The following RSPO2 variants were observed in gnomAD, a reference collection of about 807,000 sequenced individuals.
The protein encoded by RSPO2 is R-spondin-2.
A neutral mutation model predicts 30.9 loss-of-function variants in RSPO2; 14 were observed. The observed-to-expected ratio is 0.45, with a 90% CI of 0.30 to 0.71. The LOEUF (loss-of-function observed/expected upper bound fraction) is 0.71, where lower values mean the gene tolerates loss of function less well. RSPO2 is among the 30% of genes least tolerant of loss of function. The probability of loss-of-function intolerance (pLI) is 0.08; values close to 1 mark genes in which losing one functional copy is unlikely to be tolerated. For synonymous variants in RSPO2, 107 were observed against 96.4 expected (o/e 1.11, Z -0.64); for missense variants, 264 against 301.9 (o/e 0.87, Z 0.93).
At chr8:108,026,413 T>G (rs1443047373) in intron 2 of RSPO2, among the ~76,000 whole-genome samples, 1 of 152,178 alleles carries the variant, frequency 6.6e-6, no homozygotes, top group African/African-American at 2.4e-5. Flanking sequence ...CAGTATTATA[T>G]CAGTGCTAGT....
intron 2 of RSPO2, among the ~76,000 whole-genome samples, chr8:108,057,931 T>C (rs1489612348): frequency 6.6e-6 from 1 of 152,168 alleles, no homozygotes; most frequent in Non-Finnish European, 1.5e-5. Context: ...ACAGGGACAA[T>C]TTGACTTCCT....
At chr8:107,927,328 C>A (rs1812412331) in intron 5 of RSPO2, among the ~76,000 whole-genome samples, 2 of 152,190 alleles carry the variant, frequency 1.3e-5, no homozygotes, top group East Asian at 3.9e-4. Context: ...GATATACAAT[C>A]ATGTCATCTG....
At chr8:107,978,917 AAC>A (rs1814318529) in intron 3 of RSPO2, among the ~76,000 whole-genome samples, 1 of 152,202 alleles carries the variant, frequency 6.6e-6, no homozygotes, top group African/African-American at 2.4e-5. Flanking sequence ...GCAGCCAAAA[AAC>A]ACATGAAAAA....
chr8:108,079,145 A>T (rs1324332956), intron 2 of RSPO2, among the ~76,000 whole-genome samples: 1 of 152,214 alleles, frequency 6.6e-6, no homozygotes, highest in Non-Finnish European at 1.5e-5. Context: ...ACTATTTTGA[A>T]GGGGGAGTCA....
At chr8:107,942,157 A>C (rs1053885899) in intron 5 of RSPO2, among the ~76,000 whole-genome samples, 1 of 152,166 alleles carries the variant, frequency 6.6e-6, no homozygotes, top group African/African-American at 2.4e-5. Flanking sequence ...AGGGTGGCTA[A>C]ACTGCCCATG....
chr8:107,939,478 CTTTTT>C (rs10558817), intron 5 of RSPO2, among the ~76,000 whole-genome samples: 52 of 140,482 alleles, frequency 3.7e-4, no homozygotes, highest in Admixed American at 1.1e-3. Context: ...ATTAAATTAT[CTTTTT>C]TTTTTTTTTT....
intron 5 of RSPO2, among the ~76,000 whole-genome samples, chr8:107,943,407 G>A (rs1438422051): frequency 2.0e-5 from 3 of 152,178 alleles, no homozygotes; most frequent in Admixed American, 6.5e-5. Context: ...AGAGGTCACC[G>A]CCCTTGCTTG....
chr8:107,982,583 T>C (rs1189220138), intron 3 of RSPO2, among the ~76,000 whole-genome samples: 1 of 152,178 alleles, frequency 6.6e-6, no homozygotes, highest in Admixed American at 6.5e-5. Flanking sequence ...CTTCCAGTTA[T>C]CAGATTCTCT....
At chr8:108,004,292 A>T (rs1032219937) in intron 2 of RSPO2, among the ~76,000 whole-genome samples, 2 of 152,196 alleles carry the variant, frequency 1.3e-5, no homozygotes, top group African/African-American at 4.8e-5. Flanking sequence ...CTTTTTACAG[A>T]GGGATCTCCA....
intron 2 of RSPO2, among the ~76,000 whole-genome samples, chr8:108,064,155 C>G (rs907725578): frequency 4.2e-4 from 64 of 152,222 alleles, no homozygotes; most frequent in Admixed American, 1.6e-3. Flanking sequence ...AAACCAATGG[C>G]AACAAAAGCC....
At chr8:107,932,008 T>C (rs1256276627) in intron 5 of RSPO2, among the ~76,000 whole-genome samples, 1 of 152,170 alleles carries the variant, frequency 6.6e-6, no homozygotes, top group Non-Finnish European at 1.5e-5. Flanking sequence ...ATGTTTTTTT[T>C]AAAAGACTAT....
At chr8:107,920,064 A>T (rs752524215) in intron 5 of RSPO2, among the ~76,000 whole-genome samples, 2 of 152,110 alleles carry the variant, frequency 1.3e-5, no homozygotes, top group Non-Finnish European at 2.9e-5. Flanking sequence ...TCCTGTATAT[A>T]TGAACAAGAT....
intron 5 of RSPO2, among the ~76,000 whole-genome samples, chr8:107,940,419 T>C (rs1260210755): frequency 1.3e-5 from 2 of 152,182 alleles, no homozygotes; most frequent in Non-Finnish European, 2.9e-5. Flanking sequence ...CTCCCCTGGC[T>C]ATGGTTCTAT....
At position 107,900,625 on chromosome 8, in the gene RSPO2, A is replaced by G. The variant is rs1180852738; in HGVS notation, c.*450T>C. 6.5e-6 allele frequency: 1 copy of G among 154,652 alleles called. No individual in the cohort carries two copies. Among genetic ancestry groups the G allele is most frequent in the Non-Finnish European group, 1.4e-5 (1 of 69,664 alleles). 9.6% of individuals were successfully genotyped at this position (154,652 alleles called of 1,614,324 possible). A position where few individuals can be genotyped will look rare whatever the true frequency, so the allele number is the denominator to read the frequency against. On this transcript the variant is annotated 3_prime_UTR_variant, in exon 6 of 6. Coordinates refer to ENST00000276659, the MANE Select transcript of RSPO2 (RefSeq NM_178565.5). ...CATCGCACAACAGTGTGAAGGTAAC[A>G]TGCTGAGAATACCATGTGGTAACAC...
intron 5 of RSPO2, among the ~76,000 whole-genome samples, chr8:107,940,949 A>C (rs1812876675): frequency 6.6e-6 from 1 of 152,122 alleles, no homozygotes; most frequent in Non-Finnish European, 1.5e-5. Flanking sequence ...CAGCGGTTTG[A>C]GTTCCCTGCT....
intron 5 of RSPO2, among the ~76,000 whole-genome samples, chr8:107,907,744 A>C (rs951790621): frequency 5.3e-5 from 8 of 152,106 alleles, no homozygotes; most frequent in Non-Finnish European, 1.2e-4. Context: ...GTTTACACTA[A>C]TTTGTAAAAG....
rs1812147354 is a variant in RSPO2 at position 107,920,976 on chromosome 8, T to G, written c.617-19786A>C. Among the ~76,000 whole-genome samples the G allele has an allele frequency of 2.6e-5, 4 of 152,136 alleles. No homozygotes were observed. The South Asian group carries it at 8.3e-4, about 32-fold the overall frequency. ...CTGTTTTAAACTTCTTCAAAAAGTG[T>G]GTACTTTTTGATTCTTTTAATGCAA... On this transcript the variant is annotated intron_variant, in intron 5 of 5. Transcript: ENST00000276659.
chr8:107,939,903 CTTAATA>C (rs1190831008), intron 5 of RSPO2, among the ~76,000 whole-genome samples: 3 of 152,004 alleles, frequency 2.0e-5, no homozygotes, highest in African/African-American at 7.2e-5. Flanking sequence ...TTTATAGTTG[CTTAATA>C]TTAATATCAT....
intron 2 of RSPO2, among the ~76,000 whole-genome samples, chr8:108,057,278 A>C (rs1812285397): frequency 6.6e-6 from 1 of 152,072 alleles, no homozygotes; most frequent in Admixed American, 6.6e-5. Context: ...AGGCACTTTC[A>C]AAACTTTATA....
Sources: allele counts gnomAD v4.1 joint callset (sites outside exome capture counted in the v4.1 genomes callset), GRCh38; gene constraint gnomAD v4.1.1; transcripts MANE v1.5; gene names NCBI Gene and HGNC (gene_info 2026-07-23, HGNC 2026-07-21).